BLOC1S6: variants seen among roughly 807,000 people sequenced by gnomAD.
BLOC1S6 encodes biogenesis of lysosomal organelles complex 1 subunit 6.
A neutral mutation model predicts 24.7 loss-of-function variants in BLOC1S6; 24 were observed. That is an observed-to-expected ratio of 0.97 (90% CI 0.70 to 1.37). The LOEUF (loss-of-function observed/expected upper bound fraction) is 1.37, where lower values mean the gene tolerates loss of function less well. Ranked by LOEUF, BLOC1S6 falls within the 40% of genes most tolerant of loss-of-function variation. The probability of loss-of-function intolerance (pLI) is 0.00; values close to 1 mark genes in which losing one functional copy is unlikely to be tolerated. For synonymous variants in BLOC1S6, 76 were observed against 72.6 expected, an observed-to-expected ratio of 1.05 and a Z score of -0.23; for missense variants, 175 against 196.2, an observed-to-expected ratio of 0.89 and a Z score of 0.64.
intron 2 of BLOC1S6, 136 bp from the exon 3 acceptor site, chr15:45,602,964 T>C: frequency 1.5e-6 from 1 of 651,554 alleles, no homozygotes; most frequent in East Asian, 2.9e-5. Flanking sequence ...TTATTCTATA[T>C]TAAATAAACC....
rs372182517 is a variant in BLOC1S6, at chr15:45,592,196, A to T, written c.144A>T (p.Ala48=). 2.9e-5 allele frequency: 47 copies of T among 1,614,080 alleles called. No homozygotes were observed. In the Middle Eastern group the frequency reaches 6.6e-4, roughly 23 times the overall value. ...LIEDLTIEDK[A]VEQLAEGLLS... is the part of the protein sequence containing the mutation. ...AGGACTTGACTATAGAAGACAAAGC[A>T]GTGGAGCAACTGGCAGAAGGATTGC... Residue 48 remains alanine (A), a synonymous_variant, in exon 2 of 5, where the codon GCA becomes GCT. Coordinates refer to ENST00000220531, the MANE Select transcript of BLOC1S6 (RefSeq NM_012388.4).
Position 45,587,505 on chromosome 15 carries a change from A to C in BLOC1S6, c.62A>C (p.Glu21Ala). 1 of 1,579,890 alleles carries C rather than the reference A, an allele frequency of 6.3e-7. No homozygotes were observed. Among genetic ancestry groups the C allele is most frequent in the African/African-American group, 1.3e-5 (1 of 74,212 alleles). ...CTGACACGGCCACCCTACTGCCTGG[A>C]GGCCGGGGAGCCGACGCCTGGTACG... ...GALTRPPYCL[E>A]AGEPTPGLSD... is the part of the protein sequence containing the mutation. The change falls in exon 1 of 5, where the codon GAG (glutamate) becomes GCG (alanine). Residue 21 changes from glutamate (E) to alanine (A), a missense_variant. Coordinates refer to ENST00000220531, the MANE Select transcript of BLOC1S6 (RefSeq NM_012388.4).
At chr15:45,588,205 T>TA (rs2140900275) in intron 1 of BLOC1S6, among the ~76,000 whole-genome samples, 1 of 152,370 alleles carries the variant, frequency 6.6e-6, no homozygotes, top group Non-Finnish European at 1.5e-5. Context: ...ATATAGGGGT[T>TA]ACCCCCAAAT....
At chr15:45,588,289 A>T (rs1279387769) in intron 1 of BLOC1S6, among the ~76,000 whole-genome samples, 1 of 152,216 alleles carries the variant, frequency 6.6e-6, no homozygotes, top group Non-Finnish European at 1.5e-5. Context: ...CGCTTCTATA[A>T]ATATGACTTC....
At chr15:45,604,325 A>G (rs2140917696) in intron 3 of BLOC1S6, among the ~76,000 whole-genome samples, 1 of 152,350 alleles carries the variant, frequency 6.6e-6, no homozygotes, top group Middle Eastern at 3.4e-3. Flanking sequence ...AATTAAAAAC[A>G]AAGTTCATAT....
intron 2 of BLOC1S6, among the ~76,000 whole-genome samples, chr15:45,600,303 C>T (rs989287894): frequency 1.8e-4 from 27 of 150,880 alleles, no homozygotes; most frequent in African/African-American, 4.6e-4. Context: ...GCACAATGTG[C>T]ACATGTACCC....
chr15:45,602,982 G>A (rs1894321949), intron 2 of BLOC1S6, 118 bp from the exon 3 acceptor site: 1 of 714,878 alleles, frequency 1.4e-6, no homozygotes, highest in East Asian at 2.8e-5. Flanking sequence ...ACCTTAGAGA[G>A]TTAATACATT....
chr15:45,594,434 C>T (rs1338623925), intron 2 of BLOC1S6, among the ~76,000 whole-genome samples: 1 of 152,160 alleles, frequency 6.6e-6, no homozygotes, highest in East Asian at 1.9e-4. Context: ...ACACTTGGAA[C>T]TTGTAAGGAA....
In BLOC1S6 at chr15:45,603,115, A is replaced by G. The variant is rs1894326916; in HGVS notation, c.240A>G (p.Val80=). The G allele has an allele frequency of 6.2e-6, 10 of 1,610,928 alleles. No individual in the cohort carries two copies. The highest frequency in any genetic ancestry group is 7.6e-6 in the Non-Finnish European group (9 of 1,177,532). The change falls in exon 3 of 5, where the codon GTA becomes GTG. Residue 80 remains valine (V), a synonymous_variant. Transcript: ENST00000220531. ...ALQELTQNQV[V]LLDTLEQEIS... The stretch of plus-strand genomic sequence containing the variant: ...TTTGTTTCAGACAGAACCAAGTTGT[A>G]TTGTTAGACACACTGGAACAAGAGA...
intron 2 of BLOC1S6, among the ~76,000 whole-genome samples, chr15:45,593,835 T>A (rs1390016114): frequency 6.6e-6 from 1 of 152,140 alleles, no homozygotes; most frequent in Non-Finnish European, 1.5e-5. Context: ...TGACACCAAC[T>A]TTATGAAGTA....
At chr15:45,597,137 G>A (rs923017678) in intron 2 of BLOC1S6, among the ~76,000 whole-genome samples, 2 of 152,136 alleles carry the variant, frequency 1.3e-5, no homozygotes, top group South Asian at 2.1e-4. Context: ...TTTGATTGGG[G>A]TTGCATTGAA....
At chr15:45,597,041 A>G (rs1034537118) in intron 2 of BLOC1S6, among the ~76,000 whole-genome samples, 3 of 152,140 alleles carry the variant, frequency 2.0e-5, no homozygotes, top group South Asian at 2.1e-4. Context: ...TTGTTCTTCA[A>G]TGTTGTATTG....
intron 2 of BLOC1S6, among the ~76,000 whole-genome samples, chr15:45,600,790 T>C (rs1181849836): frequency 6.6e-6 from 1 of 152,190 alleles, no homozygotes; most frequent in African/African-American, 2.4e-5. Context: ...CTTTATCTGG[T>C]TTGGCTTTAG....
In BLOC1S6 at chr15:45,605,454, C is replaced by G; in HGVS notation, c.339C>G (p.Ala113=). Residue 113 remains alanine, a synonymous_variant, in exon 4 of 5, where the codon GCC becomes GCG. Transcript: ENST00000220531. ...TTGCTGAGGCTAAACACTATCATGC[C>G]AAGTTGGTGAATATAAGAAAAGAGA... ...ALFAEAKHYH[A]KLVNIRKEML... is the part of the protein sequence containing the mutation. 6.2e-7 allele frequency: 1 copy of G among 1,612,304 alleles called. No homozygotes were observed.
intron 2 of BLOC1S6, among the ~76,000 whole-genome samples, chr15:45,593,831 C>T (rs1893975607): frequency 6.6e-6 from 1 of 151,850 alleles, no homozygotes; most frequent in South Asian, 2.1e-4. Flanking sequence ...CTCCTGACAC[C>T]AACTTTATGA....
In BLOC1S6 at chr15:45,609,355, A is replaced by G. The variant is rs939454699; in HGVS notation, c.*2841A>G. On this transcript the variant is annotated 3_prime_UTR_variant, in exon 5 of 5. Transcript: ENST00000220531. ...AAACAAACAAACAAACAAACAACGTATCTTACTGACTAAACTGGAATGGAA... is the reference window on the plus strand; with the variant it reads ...AAACAAACAAACAAACAAACAACGTGTCTTACTGACTAAACTGGAATGGAA... The G allele has an allele frequency of 1.3e-5, 2 of 152,206 alleles. No homozygotes were observed. The highest frequency in any genetic ancestry group is 2.9e-5 in the Non-Finnish European group (2 of 68,044). The allele number at this position is 152,206 out of a possible 1,614,324, so 9.4% of individuals were successfully genotyped here.
intron 2 of BLOC1S6, among the ~76,000 whole-genome samples, chr15:45,594,272 T>G (rs778339171): frequency 7.9e-5 from 12 of 152,260 alleles, no homozygotes; most frequent in Non-Finnish European, 1.0e-4. Context: ...TAGCTTTATA[T>G]ATAAGAAAGG....
intron 2 of BLOC1S6, among the ~76,000 whole-genome samples, chr15:45,596,631 C>A (rs1894087985): frequency 1.3e-5 from 2 of 151,486 alleles, no homozygotes; most frequent in Admixed American, 6.6e-5. Flanking sequence ...TATGTCTGTT[C>A]TTTTGCCATT....
intron 2 of BLOC1S6, among the ~76,000 whole-genome samples, chr15:45,594,188 G>A (rs1438830850): frequency 6.6e-6 from 1 of 152,130 alleles, no homozygotes; most frequent in Non-Finnish European, 1.5e-5. Flanking sequence ...AGAAGTAAAG[G>A]AGAAGGTAGT....
Sources: allele counts gnomAD v4.1 joint callset (sites outside exome capture counted in the v4.1 genomes callset), GRCh38; gene constraint gnomAD v4.1.1; transcripts MANE v1.5; gene names NCBI Gene and HGNC (gene_info 2026-07-23, HGNC 2026-07-21).